STAT5A: variants seen among roughly 807,000 people sequenced by gnomAD.
STAT5A encodes the protein signal transducer and activator of transcription 5A.
Under a neutral mutation model 100.2 loss-of-function variants are expected in STAT5A, and 26 were observed. The ratio of observed to expected loss-of-function variants is 0.26; its 90% CI spans 0.19 to 0.36. The LOEUF is 0.36. STAT5A is among the 10% of genes least tolerant of loss of function. STAT5A has a pLI of 1.00. For synonymous variants in STAT5A, 330 were observed against 424.3 expected, an observed-to-expected ratio of 0.78 and a Z score of 2.73; for missense variants, 634 against 1,027.5, an observed-to-expected ratio of 0.62 and a Z score of 5.24.
At chr17:42,302,263 T>C (rs72823009) in intron 9 of STAT5A, among the ~76,000 whole-genome samples, 29,401 of 152,218 alleles carry the variant, frequency 0.19, 5,211 homozygotes, top group African/African-American at 0.47. Context: ...TGGGCTGTCT[T>C]CTCGCCCAGC....
At chr17:42,306,999 C>T (rs1011711012) in intron 13 of STAT5A, among the ~76,000 whole-genome samples, 3 of 152,074 alleles carry the variant, frequency 2.0e-5, no homozygotes, top group South Asian at 2.1e-4. Flanking sequence ...GGATTACAGG[C>T]GTGAGCCACC....
At chr17:42,301,598 T>C in intron 9 of STAT5A, 144 bp downstream of exon 9, 1 of 1,286,712 alleles carries the variant, frequency 7.8e-7, no homozygotes, top group Non-Finnish European at 1.1e-6. Context: ...TCATGCAGTC[T>C]TCCCACCTCA....
intron 4 of STAT5A, among the ~76,000 whole-genome samples, chr17:42,292,822 G>C (rs935037749): frequency 2.6e-5 from 4 of 151,754 alleles, no homozygotes; most frequent in African/African-American, 9.7e-5. Flanking sequence ...TAGAGACGTG[G>C]TTTCACTATG....
intron 4 of STAT5A, among the ~76,000 whole-genome samples, chr17:42,294,102 G>C (rs1007642383): frequency 6.6e-6 from 1 of 152,080 alleles, no homozygotes; most frequent in Non-Finnish European, 1.5e-5. Context: ...TGTAATCCTA[G>C]CTACTCGGGC....
At chr17:42,299,115 TG>T (rs960151230) in intron 5 of STAT5A, among the ~76,000 whole-genome samples, 16 of 152,142 alleles carry the variant, frequency 1.1e-4, no homozygotes, top group South Asian at 6.2e-4. Context: ...CCGCCGGGGC[TG>T]GGGTTCCCTG....
chr17:42,301,363 C>T lies in STAT5A; in HGVS notation c.1078C>T (p.Leu360=). 1 of 1,614,190 alleles carries T rather than the reference C, an allele frequency of 6.2e-7. No individual in the cohort carries two copies. Among genetic ancestry groups the T allele is most frequent in the Non-Finnish European group, 8.5e-7 (1 of 1,180,026 alleles). The change falls in exon 9 of 19, where the codon CTG becomes TTG. Residue 360 remains leucine, a synonymous_variant. Coordinates refer to ENST00000590949, the MANE Select transcript of STAT5A (RefSeq NM_001288718.2). ...CGTACGCCTGCTGGTGGGCGGGAAGCTGAACGTGCACATGAATCCCCCCCA... is the reference window on the plus strand; with the variant it reads ...CGTACGCCTGCTGGTGGGCGGGAAGTTGAACGTGCACATGAATCCCCCCCA... ...ATVRLLVGGK[L]NVHMNPPQVK...
chr17:42,289,968 G>A lies in STAT5A; in HGVS notation c.231G>A (p.Gly77=), dbSNP rs767409299. The A allele has an allele frequency of 2.2e-5, 36 of 1,612,360 alleles. 1 individual carries two copies. In the South Asian group the frequency reaches 3.8e-4, roughly 17 times the overall value. Residue 77 remains glycine, a synonymous_variant, in exon 3 of 19, where the codon GGG becomes GGA. Coordinates refer to ENST00000590949, the MANE Select transcript of STAT5A (RefSeq NM_001288718.2). ...ELQKKAEHQV[G]EDGFLLKIKL... ...AGAAGAAGGCGGAGCACCAGGTGGG[G>A]GAAGATGGGTTTTTACTGAAGATCA...
In STAT5A at chr17:42,306,232, C is replaced by T; in HGVS notation, c.1474-9C>T. 2 of 1,614,014 alleles carry T rather than the reference C, an allele frequency of 1.2e-6. No homozygotes were observed. Among genetic ancestry groups the T allele is most frequent in the Non-Finnish European group, 1.7e-6 (2 of 1,179,920 alleles). ...ATCTACCTTTTCCCCTCTCTTGTCT[C>T]CCTCTCAGGGCAGGGTGCCATTTGC... On this transcript the variant is annotated splice_polypyrimidine_tract_variant and intron_variant, in intron 12 of 18. Coordinates refer to ENST00000590949, the MANE Select transcript of STAT5A (RefSeq NM_001288718.2).
Position 42,308,722 on chromosome 17 carries a change from G to A in STAT5A, c.2063-325G>A. 2.0e-6 allele frequency: 1 copy of A among 500,756 alleles called. No individual in the cohort carries two copies. The highest frequency in any genetic ancestry group is 2.2e-5 in the South Asian group (1 of 44,558). 31.0% of individuals were successfully genotyped at this position (500,756 alleles called of 1,614,324 possible). A position where few individuals can be genotyped will look rare whatever the true frequency, so the allele number is the denominator to read the frequency against. ...CGAGTGGAGTGCAGGCAGCAAAAGG[G>A]AGAAGTCTCTCTTCTTCCAGCTGCC... On this transcript the variant is annotated intron_variant, in intron 16 of 18. Transcript: ENST00000590949. The surrounding 1 kb of genome is among the most constrained non-coding windows in gnomAD (Gnocchi z 4.6).
At chr17:42,294,611 A>C (rs955454119) in intron 4 of STAT5A, among the ~76,000 whole-genome samples, 2 of 152,222 alleles carry the variant, frequency 1.3e-5, no homozygotes, top group Non-Finnish European at 2.9e-5. Flanking sequence ...GTACCAGTTA[A>C]AGTGCTTTGC....
At position 42,311,587 on chromosome 17, in the gene STAT5A, A is replaced by C. The variant is rs886997622; in HGVS notation, c.*918A>C. The C allele has an allele frequency of 6.5e-6, 1 of 153,078 alleles. No individual in the cohort carries two copies. The highest frequency in any genetic ancestry group is 1.5e-5 in the Non-Finnish European group (1 of 68,638). The allele number at this position is 153,078 out of a possible 1,614,324, so 9.5% of individuals were successfully genotyped here. A position where few individuals can be genotyped will look rare whatever the true frequency, so the allele number is the denominator to read the frequency against. On this transcript the variant is annotated 3_prime_UTR_variant, in exon 19 of 19. Coordinates refer to ENST00000590949, the MANE Select transcript of STAT5A (RefSeq NM_001288718.2). ...TGCCTCCTGGAAAAAACAAAAACAAAAAACTGCAGTGAAAGACAAGCTGCA... is the reference window on the plus strand; with the variant it reads ...TGCCTCCTGGAAAAAACAAAAACAACAAACTGCAGTGAAAGACAAGCTGCA...
Position 42,295,718 on chromosome 17 carries a change from G to A in STAT5A, c.475G>A (p.Glu159Lys), listed in dbSNP as rs572323915. ...EELRLVTQDTENELKKLQQTQ... is the reference protein window; with the variant it reads ...EELRLVTQDTKNELKKLQQTQ... ...GCTGCGACTGGTCACGCAGGACACA[G>A]AGAATGAGCTGAAGAAACTGCAGCA... Residue 159 changes from glutamate to lysine, a missense_variant, in exon 5 of 19, where the codon GAG becomes AAG. Transcript: ENST00000590949. 6.2e-7 allele frequency: 1 copy of A among 1,613,940 alleles called. No individual in the cohort carries two copies. The highest frequency in any genetic ancestry group is 1.1e-5 in the South Asian group (1 of 91,002).
intron 18 of STAT5A, chr17:42,309,719 A>G (rs2081062429): frequency 4.3e-6 from 2 of 461,154 alleles, no homozygotes; most frequent in Non-Finnish European, 7.7e-6. Context: ...CTGATGCTCA[A>G]GTTTCCTTAT....
intron 4 of STAT5A, among the ~76,000 whole-genome samples, chr17:42,293,447 C>A (rs972278451): frequency 1.3e-5 from 2 of 152,248 alleles, no homozygotes; most frequent in Non-Finnish European, 2.9e-5. Context: ...TCAAGTGATC[C>A]ACCTGCCTCG....
At chr17:42,303,941 C>T (rs955085001) in intron 9 of STAT5A, among the ~76,000 whole-genome samples, 3 of 151,836 alleles carry the variant, frequency 2.0e-5, no homozygotes, top group East Asian at 1.9e-4. Context: ...CCAGGGCCAA[C>T]GGGGCTTGCA....
In STAT5A at chr17:42,304,563, G is replaced by A. The variant is rs773844030; in HGVS notation, c.1291G>A (p.Gly431Ser). ...LKRIKRADRRGAESVTEEKFT... is the reference protein window; with the variant it reads ...LKRIKRADRRSAESVTEEKFT... ...GAGGATCAAGCGTGCTGACCGGCGG[G>A]GTGCAGAGTCCGTGACAGAGGAGAA... Residue 431 changes from glycine to serine, a missense_variant, in exon 11 of 19, where the codon GGT becomes AGT. Gly to Ser is a moderately conservative substitution (Grantham distance 56). Transcript: ENST00000590949. This position sits in a 1 kb window ranked among gnomAD's most constrained non-coding sequence, Gnocchi z 4.8. 5.0e-6 allele frequency: 8 copies of A among 1,614,210 alleles called. No individual in the cohort carries two copies. Among genetic ancestry groups the A allele is most frequent in the Non-Finnish European group, 5.9e-6 (7 of 1,180,044 alleles).
At chr17:42,295,520 G>T in intron 4 of STAT5A, 99 bp from the exon 5 acceptor site, 1 of 1,290,838 alleles carries the variant, frequency 7.7e-7, no homozygotes. Flanking sequence ...CCTAGTTTGG[G>T]GTTTGGGGTT....
In STAT5A at chr17:42,308,394, C is replaced by A; in HGVS notation, c.2062+61C>A. The A allele has an allele frequency of 1.9e-6, 3 of 1,610,512 alleles. No homozygotes were observed. The South Asian group carries it at 3.3e-5, about 18-fold the overall frequency. On this transcript the variant is annotated intron_variant, in intron 16 of 18. Transcript: ENST00000590949. The surrounding 1 kb of genome is among the most constrained non-coding windows in gnomAD (Gnocchi z 4.6). ...CCCGGGCTCTTCCCCAGCCCATAGA[C>A]AAAGCCTTGGGCTGCGCCGTGGGGA...
rs2081076470 is a variant in STAT5A at position 42,311,091 on chromosome 17, A to G, written c.*422A>G. 4.6e-6 allele frequency: 1 copy of G among 216,386 alleles called. No individual in the cohort carries two copies. Among genetic ancestry groups the G allele is most frequent in the Non-Finnish European group, 9.6e-6 (1 of 104,018 alleles). The allele number at this position is 216,386 out of a possible 1,614,324, so 13.4% of individuals were successfully genotyped here. A position where few individuals can be genotyped will look rare whatever the true frequency, so the allele number is the denominator to read the frequency against. On this transcript the variant is annotated 3_prime_UTR_variant, in exon 19 of 19. Coordinates refer to ENST00000590949, the MANE Select transcript of STAT5A (RefSeq NM_001288718.2). ...GAGTGAGAAGCTTTGCCCTCCTAAG[A>G]GAGAGAGACAGAGAGACAGAGAGAG...
Sources: gnomAD v4.1 joint callset for allele counts (sites outside exome capture counted in the v4.1 genomes callset) on GRCh38, gnomAD v4.1.1 for gene constraint, Gnocchi (gnomAD v3.1) non-coding constraint, MANE v1.5 for transcripts, NCBI Gene and HGNC (gene_info 2026-07-23, HGNC 2026-07-21) for gene names.